OSBP2: variants seen among roughly 807,000 people sequenced by gnomAD.
OSBP2 encodes oxysterol binding protein 2, also known as oxysterol-binding protein 2.
OSBP2 carries 66 observed loss-of-function variants against 96.0 expected under a neutral mutation model. That is an observed-to-expected ratio of 0.69 (90% CI 0.56 to 0.84). The LOEUF (loss-of-function observed/expected upper bound fraction) is 0.84, where lower values mean the gene tolerates loss of function less well. OSBP2 is among the 40% of genes least tolerant of loss of function. The pLI is 0.00. For missense variants in OSBP2, 1,038 were observed against 1,222.7 expected, an observed-to-expected ratio of 0.85 and a Z score of 2.25; for synonymous variants, 525 against 520.9, an observed-to-expected ratio of 1.01 and a Z score of -0.11.
intron 1 of OSBP2, among the ~76,000 whole-genome samples, chr22:30,727,968 G>A (rs1162855234): frequency 6.6e-6 from 1 of 151,462 alleles, no homozygotes; most frequent in Non-Finnish European, 1.5e-5. Flanking sequence ...AGCTGGGTGT[G>A]GTGGTGCGTG....
At chr22:30,705,313 G>A (rs1307018510) in intron 1 of OSBP2, among the ~76,000 whole-genome samples, 3 of 151,528 alleles carry the variant, frequency 2.0e-5, no homozygotes, top group African/African-American at 4.9e-5. Context: ...TTGTTGTTGA[G>A]ATGGAGTTTT....
At chr22:30,790,306 G>A (rs191193684) in intron 2 of OSBP2, among the ~76,000 whole-genome samples, 3 of 152,214 alleles carry the variant, frequency 2.0e-5, no homozygotes, top group South Asian at 2.1e-4. Context: ...TTTAAGGAGG[G>A]GGGGGCGGGG....
At chr22:30,784,171 A>T (rs116700837) in intron 2 of OSBP2, among the ~76,000 whole-genome samples, 2,518 of 152,310 alleles carry the variant, frequency 0.017, 69 homozygotes, top group African/African-American at 0.056. Context: ...ATGTATTTGT[A>T]GGAATTCACT....
intron 12 of OSBP2, 81 bp from the exon 13 acceptor site, chr22:30,905,756 C>T (rs2040317942): frequency 1.9e-6 from 3 of 1,567,290 alleles, no homozygotes; most frequent in Admixed American, 1.9e-5. Flanking sequence ...GAGGAGACAC[C>T]GCCAGGCAGG....
intron 3 of OSBP2, among the ~76,000 whole-genome samples, chr22:30,879,473 C>A (rs1162445133): frequency 6.6e-6 from 1 of 152,214 alleles, no homozygotes; most frequent in African/African-American, 2.4e-5. Flanking sequence ...CTGATCGACC[C>A]CCGGTGGGGA....
At chr22:30,741,618 G>T (rs1190126476) in intron 2 of OSBP2, among the ~76,000 whole-genome samples, 1 of 152,096 alleles carries the variant, frequency 6.6e-6, no homozygotes, top group Non-Finnish European at 1.5e-5. Context: ...CCTTTCTTTG[G>T]GCTAGTCAGG....
Position 30,718,070 on chromosome 22 carries a change from G to T in OSBP2, c.644+22517G>T, listed in dbSNP as rs2089491778. On this transcript the variant is annotated intron_variant, in intron 1 of 13. Transcript: ENST00000332585. Reference sequence around the variant, plus strand: ...AGTAAGCTAGGAGGTGTGTCTTCCTGTTGTGATGGCAGAAGTACAGGAGGG... The same window carrying T: ...AGTAAGCTAGGAGGTGTGTCTTCCTTTTGTGATGGCAGAAGTACAGGAGGG... 2.0e-5 allele frequency among the ~76,000 whole-genome samples: 3 copies of T among 152,286 alleles called. No individual in the cohort carries two copies. The South Asian group carries it at 6.2e-4, about 32-fold the overall frequency.
chr22:30,822,196 C>T (rs1038005743), intron 2 of OSBP2, among the ~76,000 whole-genome samples: 5 of 152,234 alleles, frequency 3.3e-5, no homozygotes, highest in African/African-American at 1.2e-4. Context: ...TTCCCGCGTG[C>T]CCCTTAGCTC....
intron 2 of OSBP2, among the ~76,000 whole-genome samples, chr22:30,865,661 G>A (rs963953400): frequency 7.4e-6 from 1 of 135,400 alleles, no homozygotes; most frequent in African/African-American, 2.6e-5. Context: ...AAAAAAGACA[G>A]TTTTGTGCAA....
At position 30,906,218 on chromosome 22, in the gene OSBP2, C is replaced by G. The variant is rs574796951; in HGVS notation, c.2630C>G (p.Thr877Arg). ...GCAGAGAAGGAGGCGGATGCCTACA[C>G]GCCACTGTGGTTTGAGAAGAGGCTG... ...SEEEKEADAY[T>R]PLWFEKRLDP... Residue 877 changes from threonine (T) to arginine (R), a missense_variant, in exon 14 of 14, where the codon ACG becomes AGG. By Grantham distance (71) the Thr-to-Arg change is moderately conservative. Around this residue, in one of 3 missense-constraint regions of OSBP2, gnomAD observed 737 missense variants for 913.3 expected, o/e 0.81. Coordinates refer to ENST00000332585, the MANE Select transcript of OSBP2 (RefSeq NM_030758.4). 6.2e-7 allele frequency: 1 copy of G among 1,614,162 alleles called. No individual in the cohort carries two copies. The highest frequency in any genetic ancestry group is 8.5e-7 in the Non-Finnish European group (1 of 1,180,040).
At chr22:30,817,147 C>T (rs2091092998) in intron 2 of OSBP2, among the ~76,000 whole-genome samples, 1 of 152,178 alleles carries the variant, frequency 6.6e-6, no homozygotes, top group Non-Finnish European at 1.5e-5. Flanking sequence ...CAAATTAATT[C>T]TCTGGCTTCA....
chr22:30,694,865 C>T (rs1042637852), upstream of OSBP2: 115 of 956,890 alleles, frequency 1.2e-4, no homozygotes, highest in Non-Finnish European at 1.5e-4. Flanking sequence ...CGGCCTGCCC[C>T]CCGCCCCCAC....
rs770205328 is a variant in OSBP2, at chr22:30,695,394, T to C, written c.485T>C (p.Leu162Pro). Residue 162 changes from leucine (L) to proline (P), a missense_variant, in exon 1 of 14, where the codon CTT (leucine) becomes CCT (proline). By Grantham distance (98) the Leu-to-Pro change is moderately conservative. Coordinates refer to ENST00000332585, the MANE Select transcript of OSBP2 (RefSeq NM_030758.4). ...LLRPGQAKTP[L>P]GVPMSGTGTT... is the part of the protein sequence containing the mutation. ...CGACCAGGACAGGCGAAGACTCCTC[T>C]TGGGGTTCCAATGTCGGGGACTGGC... The C allele has an allele frequency of 3.1e-6, 5 of 1,613,876 alleles. No homozygotes were observed. In the South Asian group the frequency reaches 3.3e-5, roughly 11 times the overall value.
chr22:30,870,533 A>G lies in OSBP2; in HGVS notation c.958A>G (p.Asn320Asp), dbSNP rs1377898378. 1 of 1,613,930 alleles carries G rather than the reference A, an allele frequency of 6.2e-7. No individual in the cohort carries two copies. Among genetic ancestry groups the G allele is most frequent in the African/African-American group, 1.3e-5 (1 of 74,924 alleles). The change falls in exon 3 of 14, where the codon AAT (asparagine) becomes GAT (aspartate). Residue 320 changes from asparagine (N) to aspartate (D), a missense_variant. By Grantham distance (23) the Asn-to-Asp change is conservative. Transcript: ENST00000332585. The surrounding 1 kb of genome is among the most constrained non-coding windows in gnomAD (Gnocchi z 4.1). The part of the protein sequence containing the change: ...SLKLDDLSTC[N>D]DLIAKHGAAL... ...GAAGTTAGATGACCTCAGCACGTGC[A>G]ATGACCTCATCGCCAAGCACGGCGC...
chr22:30,826,575 G>A (rs2038410046), intron 2 of OSBP2, among the ~76,000 whole-genome samples: 1 of 152,182 alleles, frequency 6.6e-6, no homozygotes, highest in African/African-American at 2.4e-5. Flanking sequence ...AGCAGGACTG[G>A]GTTGTTTGAT....
chr22:30,857,069 C>G (rs946153529), intron 2 of OSBP2, among the ~76,000 whole-genome samples: 2 of 152,218 alleles, frequency 1.3e-5, no homozygotes, highest in Non-Finnish European at 2.9e-5. Context: ...TGATTTTTCT[C>G]CTTTGCAAAA....
At chr22:30,712,505 C>G (rs534706181) in intron 1 of OSBP2, among the ~76,000 whole-genome samples, 61 of 152,316 alleles carry the variant, frequency 4.0e-4, no homozygotes, top group African/African-American at 1.5e-3. Context: ...AGAATCCTCT[C>G]TCATCCTTTT....
intron 3 of OSBP2, among the ~76,000 whole-genome samples, chr22:30,885,589 T>G (rs2039792567): frequency 6.6e-6 from 1 of 152,250 alleles, no homozygotes; most frequent in African/African-American, 2.4e-5. Context: ...GTCCCACTTC[T>G]GCCAGACAAG....
intron 2 of OSBP2, among the ~76,000 whole-genome samples, chr22:30,760,386 T>G (rs1466230336): frequency 6.6e-6 from 1 of 152,156 alleles, no homozygotes; most frequent in African/African-American, 2.4e-5. Flanking sequence ...TGAGCATAGA[T>G]GAAAACATCT....
Sources: gnomAD v4.1 joint callset for allele counts (sites outside exome capture counted in the v4.1 genomes callset) on GRCh38, gnomAD v4.1.1 for gene constraint, gnomAD v4.1.1 regional missense constraint, Gnocchi (gnomAD v3.1) non-coding constraint, MANE v1.5 for transcripts, NCBI Gene and HGNC (gene_info 2026-07-23, HGNC 2026-07-21) for gene names.